Variants in DCHS2 observed in about 807,000 individuals in gnomAD.
DCHS2 encodes dachsous cadherin-related 2.
A neutral mutation model predicts 182.4 loss-of-function variants in DCHS2; 142 were observed. That is an observed-to-expected ratio of 0.78 (90% confidence interval 0.68 to 0.89). The LOEUF (loss-of-function observed/expected upper bound fraction) is 0.89, where lower values mean the gene tolerates loss of function less well. Ranked by LOEUF, DCHS2 falls within the 40% of genes least tolerant of loss-of-function variation. DCHS2 has a pLI of 0.00. For missense variants in DCHS2, 4,319 were observed against 4,198.6 expected (o/e 1.03, Z -0.79); for synonymous variants, 1,740 against 1,663.3 (o/e 1.05, Z -1.12).
Position 154,316,017 on chromosome 4 carries a change from G to A in DCHS2, c.5021-30C>T, listed in dbSNP as rs769984035. ...TTTGAAAATGGAAGAAAAGCAACAT[G>A]TAATGAATATTCTTTAGAGAAGTCA... On this transcript the variant is annotated intron_variant, in intron 9 of 19. Transcript: ENST00000357232. The A allele has an allele frequency of 1.5e-5, 24 of 1,610,954 alleles. No individual in the cohort carries two copies. The South Asian group carries it at 2.2e-4, about 15-fold the overall frequency.
At chr4:154,391,843 C>T (rs9992566) in intron 1 of DCHS2, among the ~76,000 whole-genome samples, 50,758 of 152,052 alleles carry the variant, frequency 0.33, 9,086 homozygotes, top group Middle Eastern at 0.41. Flanking sequence ...AAAGCTAAAG[C>T]TCAATTCCTT....
At chr4:154,368,998 T>A (rs1021349346) in intron 2 of DCHS2, among the ~76,000 whole-genome samples, 6 of 152,074 alleles carry the variant, frequency 3.9e-5, no homozygotes, top group Non-Finnish European at 8.8e-5. Context: ...TAATATATAT[T>A]TTTTATCTGT....
intron 7 of DCHS2, chr4:154,323,115 C>T: frequency 7.3e-7 from 1 of 1,369,498 alleles, no homozygotes; most frequent in South Asian, 1.6e-5. Flanking sequence ...TAAACTGGAA[C>T]TTGTATCCTG....
intron 13 of DCHS2, among the ~76,000 whole-genome samples, chr4:154,286,470 G>A (rs776997954): frequency 2.0e-5 from 3 of 151,834 alleles, no homozygotes; most frequent in Non-Finnish European, 2.9e-5. Context: ...ACACAGAGAG[G>A]GAGTTCTGAA....
chr4:154,396,574 C>T (rs1291642300), intron 1 of DCHS2, among the ~76,000 whole-genome samples: 3 of 152,116 alleles, frequency 2.0e-5, no homozygotes. Context: ...CCAATGCCAA[C>T]ACTTTGTGCT....
chr4:154,420,599 T>C (rs142532054), intron 1 of DCHS2, among the ~76,000 whole-genome samples: 27 of 152,196 alleles, frequency 1.8e-4, no homozygotes, highest in African/African-American at 6.5e-4. Context: ...GAGAAGATAG[T>C]CCCAGCCCCA....
intron 3 of DCHS2, among the ~76,000 whole-genome samples, chr4:154,346,483 T>C (rs1729365685): frequency 6.9e-6 from 1 of 145,756 alleles, no homozygotes; most frequent in Non-Finnish European, 1.5e-5. Context: ...GTAGTTTCAG[T>C]GTATAAAATC....
At chr4:154,373,160 C>A (rs769585564) in intron 2 of DCHS2, among the ~76,000 whole-genome samples, 7 of 152,194 alleles carry the variant, frequency 4.6e-5, no homozygotes, top group Non-Finnish European at 7.4e-5. Flanking sequence ...GTCCTGTCTG[C>A]ATTAATTTAT....
chr4:154,378,488 G>T (rs1025263993), intron 1 of DCHS2, among the ~76,000 whole-genome samples: 6 of 126,030 alleles, frequency 4.8e-5, no homozygotes, highest in African/African-American at 1.4e-4. Context: ...AAGGAAGGAG[G>T]GAGGGAGGGT....
At chr4:154,477,670 T>C (rs1474781945) in intron 1 of DCHS2, among the ~76,000 whole-genome samples, 3 of 152,230 alleles carry the variant, frequency 2.0e-5, no homozygotes, top group Admixed American at 6.5e-5. Flanking sequence ...TAAGAGAACG[T>C]TGTACTCAGT....
At chr4:154,448,250 AT>A (rs1734387451) in intron 1 of DCHS2, among the ~76,000 whole-genome samples, 1 of 152,060 alleles carries the variant, frequency 6.6e-6, no homozygotes, top group Non-Finnish European at 1.5e-5. Context: ...AGGTAATCTG[AT>A]GCAGGCCTAT....
intron 1 of DCHS2, among the ~76,000 whole-genome samples, chr4:154,480,679 T>G (rs1688392133): frequency 6.6e-6 from 1 of 152,238 alleles, no homozygotes; most frequent in Non-Finnish European, 1.5e-5. Flanking sequence ...TTTTAATTTA[T>G]ATAAAGCATG....
Position 154,258,912 on chromosome 4 carries a change from C to T in DCHS2, c.6789+633G>A, listed in dbSNP as rs375250890. Reference sequence around the variant, plus strand: ...TATACTGATTTCCTTTCCAAAGTCACGGGAGGTTAGAGATCTCCTAATGCC... The same window carrying T: ...TATACTGATTTCCTTTCCAAAGTCATGGGAGGTTAGAGATCTCCTAATGCC... On this transcript the variant is annotated intron_variant, in intron 15 of 19. Transcript: ENST00000357232. Among the ~76,000 whole-genome samples, 20 of 152,228 alleles carry T rather than the reference C, an allele frequency of 1.3e-4. No homozygotes were observed. In the East Asian group the frequency reaches 1.9e-3, roughly 15 times the overall value.
At chr4:154,419,920 G>T (rs1322269852) in intron 1 of DCHS2, among the ~76,000 whole-genome samples, 2 of 152,030 alleles carry the variant, frequency 1.3e-5, no homozygotes, top group Admixed American at 1.3e-4. Flanking sequence ...TATAGGCAGG[G>T]AGGAGATGAT....
chr4:154,341,416 G>T (rs1007755182), intron 3 of DCHS2, among the ~76,000 whole-genome samples: 1 of 149,946 alleles, frequency 6.7e-6, no homozygotes, highest in African/African-American at 2.5e-5. Flanking sequence ...TCAAAACACC[G>T]CTCTATAAGC....
At chr4:154,302,441 C>A (rs1361000471) in intron 12 of DCHS2, among the ~76,000 whole-genome samples, 2 of 152,270 alleles carry the variant, frequency 1.3e-5, no homozygotes, top group South Asian at 4.1e-4. Context: ...CCTTCTTTGC[C>A]GAGTTGTGGG....
intron 1 of DCHS2, among the ~76,000 whole-genome samples, chr4:154,429,378 C>A (rs1733467706): frequency 6.6e-6 from 1 of 152,152 alleles, no homozygotes; most frequent in Admixed American, 6.5e-5. Flanking sequence ...ACGCCAAGTC[C>A]TACTTCTCAC....
intron 2 of DCHS2, among the ~76,000 whole-genome samples, chr4:154,373,063 TAA>T (rs1218414373): frequency 5.3e-5 from 8 of 152,188 alleles, no homozygotes; most frequent in Admixed American, 1.3e-4. Flanking sequence ...GGTAACAACA[TAA>T]AGTTAAAGGA....
chr4:154,366,520 A>G (rs1186889031), intron 2 of DCHS2, 79 bp from the exon 3 acceptor site: 6 of 932,504 alleles, frequency 6.4e-6, no homozygotes, highest in Admixed American at 4.0e-5. Context: ...ATGGCCCTAC[A>G]ATAGTCTTGA....
Sources: gnomAD v4.1 joint callset for allele counts (sites outside exome capture counted in the v4.1 genomes callset) on GRCh38, gnomAD v4.1.1 for gene constraint, MANE v1.5 for transcripts, NCBI Gene and HGNC (gene_info 2026-07-23, HGNC 2026-07-21) for gene names.